The following UNC5D variants were observed in gnomAD, a reference collection of about 807,000 sequenced individuals.
UNC5D encodes the protein netrin receptor UNC5D.
In UNC5D, 39 loss-of-function variants were observed where a neutral mutation model predicts 105.4. The observed-to-expected ratio is 0.37, with a 90% CI of 0.29 to 0.48. The LOEUF is 0.48. Ranked by LOEUF, UNC5D falls within the 20% of genes least tolerant of loss-of-function variation. UNC5D has a pLI of 0.98. For missense variants in UNC5D, 991 were observed against 1,202.4 expected, an observed-to-expected ratio of 0.82 and a Z score of 2.60; for synonymous variants, 452 against 450.4, an observed-to-expected ratio of 1.00 and a Z score of -0.04.
rs1361779308 is a variant in UNC5D at position 35,750,543 on chromosome 8, T to G, written c.1936-39T>G. 3 of 1,595,688 alleles carry G rather than the reference T, an allele frequency of 1.9e-6. No homozygotes were observed. In the East Asian group the frequency reaches 6.7e-5, roughly 36 times the overall value. On this transcript the variant is annotated intron_variant, in intron 12 of 16. Transcript: ENST00000404895. ...GCAATATAAAGGTTAGATCACATCT[T>G]ATTTCCAAGTGAGAGAATAAACATA...
At chr8:35,415,768 C>T (rs935009274) in intron 1 of UNC5D, among the ~76,000 whole-genome samples, 1 of 152,132 alleles carries the variant, frequency 6.6e-6, no homozygotes, top group South Asian at 2.1e-4. Flanking sequence ...GTTATGAAGA[C>T]CATGACTTTT....
At chr8:35,561,575 A>C (rs955811763) in intron 2 of UNC5D, among the ~76,000 whole-genome samples, 3 of 152,158 alleles carry the variant, frequency 2.0e-5, no homozygotes, top group Non-Finnish European at 2.9e-5. Context: ...AATCATAGCA[A>C]GTTTTGTGTT....
intron 2 of UNC5D, among the ~76,000 whole-genome samples, chr8:35,559,153 G>C (rs749038944): frequency 1.3e-5 from 2 of 152,104 alleles, no homozygotes; most frequent in Admixed American, 1.3e-4. Flanking sequence ...ATCATGAAGC[G>C]CTATAATGTG....
intron 14 of UNC5D, among the ~76,000 whole-genome samples, chr8:35,765,540 T>C (rs1190508561): frequency 1.3e-5 from 2 of 152,218 alleles, no homozygotes; most frequent in Non-Finnish European, 2.9e-5. Flanking sequence ...GGCTTTCCTC[T>C]CTTCAAGTTC....
chr8:35,652,075 A>C (rs2131185708), intron 4 of UNC5D, among the ~76,000 whole-genome samples: 1 of 152,302 alleles, frequency 6.6e-6, no homozygotes, highest in Non-Finnish European at 1.5e-5. Context: ...TGCCATGCCA[A>C]GTTGCTCTTA....
intron 1 of UNC5D, among the ~76,000 whole-genome samples, chr8:35,278,218 G>A (rs908700288): frequency 6.6e-6 from 1 of 152,122 alleles, no homozygotes; most frequent in Non-Finnish European, 1.5e-5. Flanking sequence ...GATGCACTGG[G>A]AAAGTCACGT....
At chr8:35,252,486 T>C (rs1020001126) in intron 1 of UNC5D, among the ~76,000 whole-genome samples, 1 of 152,198 alleles carries the variant, frequency 6.6e-6, no homozygotes, top group African/African-American at 2.4e-5. Context: ...CTTTTGCTTC[T>C]TTTTGAGATA....
chr8:35,629,225 A>G (rs1003981356), intron 4 of UNC5D, among the ~76,000 whole-genome samples: 3 of 152,182 alleles, frequency 2.0e-5, no homozygotes, highest in African/African-American at 7.2e-5. Context: ...TAAATTGTTC[A>G]TAATATCCAT....
chr8:35,774,506 T>C, intron 16 of UNC5D, 29 bp downstream of exon 16: 13 of 1,611,826 alleles, frequency 8.1e-6, no homozygotes, highest in Non-Finnish European at 1.1e-5. Context: ...TGGAAGACGA[T>C]GTTACTAAGA....
chr8:35,674,407 G>A (rs1825053136), intron 4 of UNC5D, among the ~76,000 whole-genome samples: 1 of 152,068 alleles, frequency 6.6e-6, no homozygotes, highest in African/African-American at 2.4e-5. Flanking sequence ...GTGTGTTTGT[G>A]TATGTGTGTG....
intron 4 of UNC5D, among the ~76,000 whole-genome samples, chr8:35,635,376 G>A (rs192221188): frequency 2.1e-4 from 32 of 152,286 alleles, no homozygotes; most frequent in South Asian, 1.0e-3. Flanking sequence ...AGGGATGCAC[G>A]TTTTGTCTTA....
chr8:35,237,243 A>G (rs1585385501), intron 1 of UNC5D, among the ~76,000 whole-genome samples: 1 of 147,048 alleles, frequency 6.8e-6, no homozygotes, highest in East Asian at 2.0e-4. Flanking sequence ...GGGAGGTTTA[A>G]AAATGAGCGT....
At chr8:35,501,196 G>A (rs995980596) in intron 1 of UNC5D, among the ~76,000 whole-genome samples, 2 of 152,172 alleles carry the variant, frequency 1.3e-5, no homozygotes, top group East Asian at 1.9e-4. Context: ...CAAGGCATTC[G>A]AAATAATGCC....
chr8:35,236,789 C>T (rs552692985), intron 1 of UNC5D, among the ~76,000 whole-genome samples: 102 of 152,282 alleles, frequency 6.7e-4, no homozygotes, highest in Non-Finnish European at 1.1e-3. Flanking sequence ...AGCTCAAGTA[C>T]CGGAGCTTTA....
At chr8:35,575,241 A>C (rs2130816254) in intron 3 of UNC5D, among the ~76,000 whole-genome samples, 1 of 151,784 alleles carries the variant, frequency 6.6e-6, no homozygotes, top group African/African-American at 2.4e-5. Context: ...CTTTTTCTTG[A>C]CTCCTTAGCC....
chr8:35,646,848 T>C (rs1053521762), intron 4 of UNC5D, among the ~76,000 whole-genome samples: 2 of 152,196 alleles, frequency 1.3e-5, no homozygotes, highest in Admixed American at 6.5e-5. Context: ...ATATATTTAA[T>C]GTATATTTGC....
chr8:35,354,273 T>C (rs1004595208), intron 1 of UNC5D, among the ~76,000 whole-genome samples: 1 of 151,504 alleles, frequency 6.6e-6, no homozygotes. Context: ...TTTCCCCCCC[T>C]CTCTTGCTTT....
chr8:35,239,091 A>G (rs1802644715), intron 1 of UNC5D, among the ~76,000 whole-genome samples: 1 of 152,166 alleles, frequency 6.6e-6, no homozygotes, highest in Non-Finnish European at 1.5e-5. Flanking sequence ...CCTTCTTAAG[A>G]GATCTTTTAA....
At chr8:35,653,390 C>A (rs983466485) in intron 4 of UNC5D, among the ~76,000 whole-genome samples, 1 of 152,170 alleles carries the variant, frequency 6.6e-6, no homozygotes, top group Non-Finnish European at 1.5e-5. Context: ...TTGAGCCATG[C>A]TTCTCAAACC....
Sources: allele counts gnomAD v4.1 joint callset (sites outside exome capture counted in the v4.1 genomes callset), GRCh38; gene constraint gnomAD v4.1.1; transcripts MANE v1.5; gene names NCBI Gene and HGNC (gene_info 2026-07-23, HGNC 2026-07-21).